Variants in UBN1 observed in about 807,000 individuals in gnomAD.
UBN1 encodes the protein ubinuclein-1.
In UBN1, 17 loss-of-function variants were observed where a neutral mutation model predicts 108.5. That is an observed-to-expected ratio of 0.16 (90% confidence interval 0.11 to 0.24). The LOEUF (loss-of-function observed/expected upper bound fraction) is 0.24, where lower values mean the gene tolerates loss of function less well. Among genes scored for constraint, UBN1 ranks in the 10% least tolerant of loss-of-function variants. UBN1 has a pLI of 1.00. For synonymous variants in UBN1, 726 were observed against 564.2 expected (o/e 1.29, Z -4.07); for missense variants, 1,595 against 1,394.4 (o/e 1.14, Z -2.29).
In UBN1 at chr16:4,877,299, G is replaced by T. The variant is rs914807355; in HGVS notation, c.3266-86G>T. The stretch of plus-strand genomic sequence containing the variant: ...CCCAGACTGGCCTGGCAGGTTATCG[G>T]GGGCTTTTGGCTGCTGGAGCTGCTT... On this transcript the variant is annotated intron_variant, in intron 16 of 17. Transcript: ENST00000262376. This position sits in a 1 kb window ranked among gnomAD's most constrained non-coding sequence, Gnocchi z 4.3. The T allele has an allele frequency of 3.2e-6, 5 of 1,543,146 alleles. No individual in the cohort carries two copies. The highest frequency in any genetic ancestry group is 4.4e-6 in the Non-Finnish European group (5 of 1,140,518).
intron 17 of UBN1, among the ~76,000 whole-genome samples, chr16:4,879,518 C>T (rs930058484): frequency 6.6e-6 from 1 of 151,784 alleles, no homozygotes; most frequent in Admixed American, 6.6e-5. Context: ...AGCAACTATA[C>T]CAAAACAGGG....
At position 4,860,983 on chromosome 16, in the gene UBN1, G is replaced by C. The variant is rs1255045784; in HGVS notation, c.991G>C (p.Asp331His). 1.2e-6 allele frequency: 2 copies of C among 1,614,272 alleles called. No individual in the cohort carries two copies. The highest frequency in any genetic ancestry group is 1.7e-5 in the Admixed American group (1 of 60,036). The change falls in exon 7 of 18, where the codon GAT becomes CAT. Residue 331 changes from aspartate to histidine, a missense_variant. Physicochemically the swap from Asp to His is moderately conservative, Grantham distance 81. Around this residue, in one of 3 missense-constraint regions of UBN1, gnomAD observed 1,398 missense variants for 1,194.7 expected, o/e 1.17. Transcript: ENST00000262376. ...GTCTCCAGAAGGAAGTCCCTTCCGA[G>C]ATATGGATGATGGAAGTGATTCCCT... Reference protein sequence around the residue: ...SESPEGSPFRDMDDGSDSLGV... With the variant: ...SESPEGSPFRHMDDGSDSLGV...
chr16:4,852,839 C>T (rs1296007745), intron 1 of UBN1, 40 bp from the exon 2 acceptor site: 3 of 1,497,254 alleles, frequency 2.0e-6, no homozygotes, highest in African/African-American at 2.8e-5. Context: ...ACTATTTTAT[C>T]ATCTTCGTTT....
At chr16:4,870,096 A>G (rs1183743306) in intron 8 of UBN1, 116 bp from the exon 9 acceptor site, 5 of 1,493,662 alleles carry the variant, frequency 3.3e-6, no homozygotes, top group Middle Eastern at 3.6e-4. Context: ...TGTGTGACCA[A>G]CAAGACAGGG....
Position 4,881,990 on chromosome 16 carries a change from C to T in UBN1, c.*1858C>T, listed in dbSNP as rs1037887336. The T allele has an allele frequency of 6.6e-6, 1 of 152,198 alleles. No individual in the cohort carries two copies. Among genetic ancestry groups the T allele is most frequent in the African/African-American group, 2.4e-5 (1 of 41,284 alleles). The allele number at this position is 152,198 out of a possible 1,614,324, so 9.4% of individuals were successfully genotyped here. A position where few individuals can be genotyped will look rare whatever the true frequency, so the allele number is the denominator to read the frequency against. The stretch of plus-strand genomic sequence containing the variant: ...TGCGCGTGCAGCTGGAGCAGAATAC[C>T]CTCATTTTTAGGAATCTAGTGATGC... On this transcript the variant is annotated 3_prime_UTR_variant, in exon 18 of 18. Coordinates refer to ENST00000262376, the MANE Select transcript of UBN1 (RefSeq NM_001079514.3).
Position 4,871,877 on chromosome 16 carries a change from C to T in UBN1, c.1706+576C>T, listed in dbSNP as rs181562570. 8.3e-4 allele frequency among the ~76,000 whole-genome samples: 127 copies of T among 152,290 alleles called. 3 individuals carry two copies. The highest frequency in any genetic ancestry group is 7.3e-3 in the East Asian group (38 of 5,190). On this transcript the variant is annotated intron_variant, in intron 12 of 17. Coordinates refer to ENST00000262376, the MANE Select transcript of UBN1 (RefSeq NM_001079514.3). ...CTGGGATTACAGGCGTGAGCCACCACACCCGGCCACACTTCCTGTTTTAAC... is the reference window on the plus strand; with the variant it reads ...CTGGGATTACAGGCGTGAGCCACCATACCCGGCCACACTTCCTGTTTTAAC...
intron 6 of UBN1, 129 bp downstream of exon 6, chr16:4,860,097 C>A: frequency 1.7e-6 from 2 of 1,168,798 alleles, no homozygotes; most frequent in Admixed American, 5.0e-5. Flanking sequence ...TCCTCCCGCA[C>A]GCCTCCCGCA....
chr16:4,847,568 C>T lies in UBN1; in HGVS notation c.-682C>T. Reference sequence around the variant, plus strand: ...CGGCGACGGTGCGACCGGCTGAGCGCGAGAGGGAGCCGGCCTCGCGGCTCG... The same window carrying T: ...CGGCGACGGTGCGACCGGCTGAGCGTGAGAGGGAGCCGGCCTCGCGGCTCG... On this transcript the variant is annotated 5_prime_UTR_variant, in exon 1 of 18. Coordinates refer to ENST00000262376, the MANE Select transcript of UBN1 (RefSeq NM_001079514.3). 2.5e-6 allele frequency: 1 copy of T among 401,736 alleles called. No homozygotes were observed. Among genetic ancestry groups the T allele is most frequent in the South Asian group, 3.3e-5 (1 of 30,410 alleles). The allele number at this position is 401,736 out of a possible 1,614,324, so 24.9% of individuals were successfully genotyped here.
chr16:4,873,239 TA>T (rs1264799457), intron 14 of UBN1, among the ~76,000 whole-genome samples, 166 bp downstream of exon 14: 1 of 152,202 alleles, frequency 6.6e-6, no homozygotes, highest in Non-Finnish European at 1.5e-5. Flanking sequence ...CCAAGCCACT[TA>T]ACCCCCCTCT....
rs2251666 is a variant in UBN1, at chr16:4,873,090, G to C, written c.1800+17G>C. 1 of 1,613,908 alleles carries C rather than the reference G, an allele frequency of 6.2e-7. No individual in the cohort carries two copies. The highest frequency in any genetic ancestry group is 8.5e-7 in the Non-Finnish European group (1 of 1,179,962). On this transcript the variant is annotated intron_variant, in intron 14 of 17. Transcript: ENST00000262376. ...AAGGTGAAGGTGAGTCAGTTTGCTCGGGTCACATGTCAGCTATGCCCATCT... is the reference window on the plus strand; with the variant it reads ...AAGGTGAAGGTGAGTCAGTTTGCTCCGGTCACATGTCAGCTATGCCCATCT...
At position 4,874,818 on chromosome 16, in the gene UBN1, A is replaced by G; in HGVS notation, c.2408A>G (p.Gln803Arg). The G allele has an allele frequency of 6.2e-7, 1 of 1,614,062 alleles. No homozygotes were observed. The highest frequency in any genetic ancestry group is 8.5e-7 in the Non-Finnish European group (1 of 1,180,024). ...GTGGCAGTTCCTGTGCCTGGCCCCC[A>G]GGTCAAAGTCTTTCATGCCGGCACT... is the stretch of plus-strand genomic sequence containing the variant. ...PQVAVPVPGP[Q>R]VKVFHAGTQQ... Residue 803 changes from glutamine to arginine, a missense_variant, in exon 15 of 18, where the codon CAG becomes CGG. By Grantham distance (43) the Gln-to-Arg change is conservative (BLOSUM62 1). This residue lies in a region of UBN1 where 1,398 missense variants were observed against 1,194.7 expected (regional missense o/e 1.17). Coordinates refer to ENST00000262376, the MANE Select transcript of UBN1 (RefSeq NM_001079514.3).
At chr16:4,872,445 T>A in intron 12 of UBN1, 1 of 549,566 alleles carries the variant, frequency 1.8e-6, no homozygotes, top group Non-Finnish European at 2.3e-6. Flanking sequence ...TTGACCTTTT[T>A]TTTTGTGTGT....
chr16:4,870,901 A>C lies in UBN1; in HGVS notation c.1488A>C (p.Glu496Asp). 6.2e-7 allele frequency: 1 copy of C among 1,614,112 alleles called. No individual in the cohort carries two copies. The highest frequency in any genetic ancestry group is 8.5e-7 in the Non-Finnish European group (1 of 1,180,010). The change falls in exon 11 of 18, where the codon GAA becomes GAC. Residue 496 changes from glutamate (E) to aspartate (D), a missense_variant. Coordinates refer to ENST00000262376, the MANE Select transcript of UBN1 (RefSeq NM_001079514.3). ...GGGACCGGATTTGTTCGGATGAGGAAGAAGATGAAGAAAAAGGGGGCAGGA... is the reference window on the plus strand; with the variant it reads ...GGGACCGGATTTGTTCGGATGAGGACGAAGATGAAGAAAAAGGGGGCAGGA... ...EQRDRICSDE[E>D]EDEEKGGRRI...
intron 1 of UBN1, among the ~76,000 whole-genome samples, chr16:4,851,341 T>C (rs2086547361): frequency 6.6e-6 from 1 of 152,096 alleles, no homozygotes; most frequent in Non-Finnish European, 1.5e-5. Context: ...TTCCAACTAC[T>C]AGGGAGGCTG....
intron 7 of UBN1, among the ~76,000 whole-genome samples, chr16:4,867,794 G>A (rs2087409997): frequency 6.6e-6 from 1 of 152,056 alleles, no homozygotes; most frequent in Non-Finnish European, 1.5e-5. Context: ...GGTTAGCAGT[G>A]TCTGCAATTT....
chr16:4,877,724 G>A lies in UBN1; in HGVS notation c.3355+250G>A, dbSNP rs999479348. ...CCTGTGTGATCACAGGGAAAGTTGC[G>A]GGGGGCAGGGTGGTGCGCTTTTGTG... is the stretch of plus-strand genomic sequence containing the variant. On this transcript the variant is annotated intron_variant, in intron 17 of 17. Transcript: ENST00000262376. The surrounding 1 kb of genome is among the most constrained non-coding windows in gnomAD (Gnocchi z 4.3). 6.6e-6 allele frequency: 8 copies of A among 1,217,978 alleles called. No homozygotes were observed. The highest frequency in any genetic ancestry group is 4.7e-5 in the African/African-American group (3 of 63,784). 75.4% of individuals were successfully genotyped at this position (1,217,978 alleles called of 1,614,324 possible). A position where few individuals can be genotyped will look rare whatever the true frequency, so the allele number is the denominator to read the frequency against.
At chr16:4,854,557 A>AT (rs1430167527) in intron 2 of UBN1, among the ~76,000 whole-genome samples, 2 of 132,340 alleles carry the variant, frequency 1.5e-5, no homozygotes, top group Non-Finnish European at 3.2e-5. Context: ...GGGTTTTACC[A>AT]TTTTAACCAT....
intron 7 of UBN1, among the ~76,000 whole-genome samples, chr16:4,862,212 A>G (rs17137343): frequency 0.071 from 10,804 of 152,258 alleles, 1,290 homozygotes; most frequent in African/African-American, 0.25. Context: ...TTTCAGAAGC[A>G]TTGTTACCTA....
At chr16:4,854,080 C>T (rs1481991439) in intron 2 of UBN1, among the ~76,000 whole-genome samples, 2 of 152,184 alleles carry the variant, frequency 1.3e-5, no homozygotes, top group African/African-American at 4.8e-5. Flanking sequence ...GTCGCCCAGG[C>T]TGGAGTGCAG....
Sources: gnomAD v4.1 joint callset for allele counts (sites outside exome capture counted in the v4.1 genomes callset) on GRCh38, gnomAD v4.1.1 for gene constraint, gnomAD v4.1.1 regional missense constraint, Gnocchi (gnomAD v3.1) non-coding constraint, MANE v1.5 for transcripts, NCBI Gene and HGNC (gene_info 2026-07-23, HGNC 2026-07-21) for gene names.